The following SMG1 variants were observed in gnomAD, a reference collection of about 807,000 sequenced individuals.
SMG1 encodes the protein serine/threonine-protein kinase SMG1.
Under a neutral mutation model 419.9 loss-of-function variants are expected in SMG1, and 22 were observed. The ratio of observed to expected loss-of-function variants is 0.05; its 90% CI spans 0.04 to 0.07. The LOEUF (loss-of-function observed/expected upper bound fraction) is 0.07. Ranked by LOEUF, SMG1 falls within the 10% of genes least tolerant of loss-of-function variation. SMG1 has a pLI of 1.00. For missense variants in SMG1, 3,185 were observed against 4,342.0 expected (o/e 0.73, Z 7.49); for synonymous variants, 1,538 against 1,553.5 (o/e 0.99, Z 0.23).
chr16:18,821,225 T>C (rs1596469568), intron 55 of SMG1, among the ~76,000 whole-genome samples: 1 of 83,232 alleles, frequency 1.2e-5, no homozygotes, highest in East Asian at 2.3e-4. Context: ...ATGTTTCTTT[T>C]TTTTTTTTTT....
intron 39 of SMG1, 76 bp from the exon 40 acceptor site, chr16:18,842,530 A>G (rs559568872): frequency 2.0e-6 from 3 of 1,479,236 alleles, no homozygotes; most frequent in East Asian, 4.6e-5. Flanking sequence ...AATATGGCAT[A>G]AAAGTAAATT....
intron 48 of SMG1, 63 bp downstream of exon 48, chr16:18,835,870 G>A (rs1047091559): frequency 1.4e-6 from 2 of 1,476,444 alleles, no homozygotes; most frequent in Admixed American, 2.0e-5. Flanking sequence ...CCACACTCCA[G>A]CCTGGGTGAC....
At chr16:18,921,729 T>C (rs558947434) in intron 1 of SMG1, among the ~76,000 whole-genome samples, 7 of 152,362 alleles carry the variant, frequency 4.6e-5, no homozygotes, top group African/African-American at 1.4e-4. Context: ...AAAGGCTGAA[T>C]AGACAACTCT....
Position 18,847,461 on chromosome 16 carries a change from G to A in SMG1, c.5988C>T (p.Thr1996=), listed in dbSNP as rs1413695117. Reference sequence around the variant, plus strand: ...AGTGTATGGAAACATACTTGCGTAAGGTGTTGTTGTTCTGGACTCTCTTCA... The same window carrying A: ...AGTGTATGGAAACATACTTGCGTAAAGTGTTGTTGTTCTGGACTCTCTTCA... ...DEVKRVQNNN[T]LRKEEKIAIM... The change falls in exon 38 of 63, where the codon ACC becomes ACT. Residue 1996 remains threonine, a synonymous_variant. Coordinates refer to ENST00000446231, the MANE Select transcript of SMG1 (RefSeq NM_015092.5). The A allele has an allele frequency of 1.9e-6, 3 of 1,613,980 alleles. No individual in the cohort carries two copies. The highest frequency in any genetic ancestry group is 3.3e-5 in the Admixed American group (2 of 60,028).
At chr16:18,815,690 A>C in intron 58 of SMG1, 39 bp from the exon 59 acceptor site, 1 of 1,556,904 alleles carries the variant, frequency 6.4e-7, no homozygotes, top group Non-Finnish European at 8.8e-7. Flanking sequence ...AAATAGTTTT[A>C]GTATCAGTAA....
chr16:18,900,151 T>C (rs2037289179), intron 1 of SMG1: 1 of 638,776 alleles, frequency 1.6e-6, no homozygotes, highest in Admixed American at 2.4e-5. Context: ...AGTTGAACTA[T>C]GGTCCCATTA....
chr16:18,815,165 C>CT lies in SMG1; in HGVS notation c.10621+9dup. On this transcript the variant is annotated intron_variant, in intron 60 of 62. Transcript: ENST00000446231. ...TAACAACAGATCAAGACTCAGGACT[C>CT]TTCTCCTACCTGCAGCGAAGGATGG... 1.3e-6 allele frequency: 2 copies of CT among 1,550,670 alleles called. No individual in the cohort carries two copies. The highest frequency in any genetic ancestry group is 4.7e-5 in the East Asian group (2 of 42,862).
At chr16:18,819,335 G>A (rs2032309338) in intron 56 of SMG1, among the ~76,000 whole-genome samples, 167 bp downstream of exon 56, 1 of 152,134 alleles carries the variant, frequency 6.6e-6, no homozygotes, top group Non-Finnish European at 1.5e-5. Flanking sequence ...AACCTGCTGT[G>A]GGTTCAACTT....
chr16:18,873,896 A>G (rs560183554), intron 13 of SMG1, among the ~76,000 whole-genome samples: 1 of 152,346 alleles, frequency 6.6e-6, no homozygotes, highest in African/African-American at 2.4e-5. Flanking sequence ...TCTAGAGTAC[A>G]GGACATAAAC....
Position 18,863,823 on chromosome 16 carries a change from T to C in SMG1, c.3522A>G (p.Lys1174=). ...NGESRKTVLS[K]PTDSSPEVIN... Reference sequence around the variant, plus strand: ...TAACCTCAGGGGAAGAGTCAGTCGGTTTGGACAGCACAGTTTTTCTGGATT... The same window carrying C: ...TAACCTCAGGGGAAGAGTCAGTCGGCTTGGACAGCACAGTTTTTCTGGATT... Residue 1174 remains lysine (K), a synonymous_variant, in exon 25 of 63, where the codon AAA becomes AAG. Coordinates refer to ENST00000446231, the MANE Select transcript of SMG1 (RefSeq NM_015092.5). 1 of 1,580,002 alleles carries C rather than the reference T, an allele frequency of 6.3e-7. No individual in the cohort carries two copies. The highest frequency in any genetic ancestry group is 8.7e-7 in the Non-Finnish European group (1 of 1,153,692).
chr16:18,924,756 A>T (rs1047569406), intron 1 of SMG1, among the ~76,000 whole-genome samples: 1 of 152,178 alleles, frequency 6.6e-6, no homozygotes, highest in Non-Finnish European at 1.5e-5. Context: ...CAGACACAGT[A>T]TTTGGAAAGG....
intron 14 of SMG1, 55 bp from the exon 15 acceptor site, chr16:18,872,400 G>A: frequency 1.3e-5 from 19 of 1,494,988 alleles, no homozygotes; most frequent in Non-Finnish European, 1.7e-5. Context: ...AAGCAAGCAA[G>A]TCCAAAGTTA....
chr16:18,844,474 TACACACACACACACAC>T (rs71141074), intron 39 of SMG1, among the ~76,000 whole-genome samples: 6 of 4,170 alleles, frequency 1.4e-3, no homozygotes, highest in Non-Finnish European at 2.2e-3. Context: ...CCCGCCCACC[TACACACACACACACAC>T]ACACACACAC....
chr16:18,864,660 T>C (rs552896121), intron 23 of SMG1, among the ~76,000 whole-genome samples: 1 of 152,186 alleles, frequency 6.6e-6, no homozygotes, highest in East Asian at 1.9e-4. Context: ...CACACCTGGC[T>C]AAAACAAGGT....
Position 18,835,982 on chromosome 16 carries a change from C to G in SMG1, c.8008G>C (p.Glu2670Gln), listed in dbSNP as rs1315990614. Residue 2670 changes from glutamate (E) to glutamine (Q), a missense_variant, in exon 48 of 63, where the codon GAG (glutamate) becomes CAG (glutamine). By Grantham distance (29) the Glu-to-Gln change is conservative (BLOSUM62 2). Transcript: ENST00000446231. ...RIEQWKTWME[E>Q]LICNTTVERC... is the part of the protein sequence containing the mutation. ...TCTACTGTGGTGTTACAGATGAGCT[C>G]TTCCATCCAGGTCTTCCACTGTTCA... The G allele has an allele frequency of 6.4e-7, 1 of 1,554,654 alleles. No individual in the cohort carries two copies. Among genetic ancestry groups the G allele is most frequent in the East Asian group, 2.4e-5 (1 of 41,116 alleles).
At position 18,856,424 on chromosome 16, in the gene SMG1, C is replaced by CTG. The variant is rs1372571271; in HGVS notation, c.4235-1521_4235-1520insCA. On this transcript the variant is annotated intron_variant, in intron 29 of 62. Transcript: ENST00000446231. ...TGATCTTGGCTCAATGCAAGATCCGCCTCCCTGGTTCATGCCATTCTCCTG... is the reference window on the plus strand; with the variant it reads ...TGATCTTGGCTCAATGCAAGATCCGCTGCTCCCTGGTTCATGCCATTCTCCTG... 5 of 151,282 alleles carry CTG rather than the reference C, an allele frequency of 3.3e-5. No homozygotes were observed. In the East Asian group the frequency reaches 9.8e-4, roughly 30 times the overall value. 9.4% of individuals were successfully genotyped at this position (151,282 alleles called of 1,614,324 possible).
chr16:18,920,008 T>C (rs374532193), intron 1 of SMG1, among the ~76,000 whole-genome samples: 4 of 151,536 alleles, frequency 2.6e-5, no homozygotes, highest in Non-Finnish European at 5.9e-5. Flanking sequence ...CGTGAATCAC[T>C]TAAACCCAGG....
chr16:18,849,670 A>G (rs943821572), intron 35 of SMG1, among the ~76,000 whole-genome samples: 2 of 152,152 alleles, frequency 1.3e-5, no homozygotes, highest in Non-Finnish European at 2.9e-5. Context: ...GGCACAGACA[A>G]TTTTTACAGA....
chr16:18,817,586 T>TTC, intron 56 of SMG1, 116 bp from the exon 57 acceptor site: 12 of 834,944 alleles, frequency 1.4e-5, no homozygotes, highest in Middle Eastern at 2.4e-4. Flanking sequence ...AGGACCAGAA[T>TTC]TGGTCCTGAA....
Sources: allele counts gnomAD v4.1 joint callset (sites outside exome capture counted in the v4.1 genomes callset), GRCh38; gene constraint gnomAD v4.1.1; transcripts MANE v1.5; gene names NCBI Gene and HGNC (gene_info 2026-07-23, HGNC 2026-07-21).